Variants in BAZ2B observed in about 807,000 individuals in gnomAD.
BAZ2B encodes the protein bromodomain adjacent to zinc finger domain 2B.
In BAZ2B, 91 loss-of-function variants were observed where a neutral mutation model predicts 246.0. The ratio of observed to expected loss-of-function variants is 0.37; its 90% CI spans 0.31 to 0.44. The LOEUF (loss-of-function observed/expected upper bound fraction) is 0.44, where lower values mean the gene tolerates loss of function less well. BAZ2B is among the 20% of genes least tolerant of loss of function. The probability of loss-of-function intolerance (pLI) is 1.00; values close to 1 mark genes in which losing one functional copy is unlikely to be tolerated. For synonymous variants in BAZ2B, 855 were observed against 860.0 expected (o/e 0.99, Z 0.10); for missense variants, 2,332 against 2,533.7 (o/e 0.92, Z 1.71).
chr2:159,644,792 C>T, the BAZ2B span, among the ~76,000 whole-genome samples: 1 of 152,174 alleles, frequency 6.6e-6, no homozygotes, highest in African/African-American at 2.4e-5. Flanking sequence ...TCAAGTGGTT[C>T]TTCAGCCATA....
At chr2:159,455,673 G>A (rs2075643881) in intron 3 of BAZ2B, among the ~76,000 whole-genome samples, 1 of 149,642 alleles carries the variant, frequency 6.7e-6, no homozygotes, top group Non-Finnish European at 1.5e-5. Flanking sequence ...CTGAAGATGA[G>A]TCAAAATAAA....
chr2:159,549,246 A>G (rs987519857), intron 2 of BAZ2B, among the ~76,000 whole-genome samples: 1 of 152,218 alleles, frequency 6.6e-6, no homozygotes, highest in African/African-American at 2.4e-5. Context: ...GCACCACTGC[A>G]CTCCAGCCTG....
At chr2:159,324,679 CACACACACACCTG>C in intron 36 of BAZ2B, 119 bp downstream of exon 36, 2 of 246,422 alleles carry the variant, frequency 8.1e-6, no homozygotes, top group Non-Finnish European at 1.4e-5. Context: ...CACACACACA[CACACACACACCTG>C]CCTCAAAGGC....
downstream of BAZ2B, among the ~76,000 whole-genome samples, chr2:159,318,677 T>G (rs1322493558): frequency 2.6e-5 from 4 of 152,132 alleles, no homozygotes; most frequent in African/African-American, 9.7e-5. Flanking sequence ...ACTGAGTTAT[T>G]TGGCTACCCA....
At chr2:159,702,536 C>T in the BAZ2B span, among the ~76,000 whole-genome samples, 1 of 152,052 alleles carries the variant, frequency 6.6e-6, no homozygotes, top group African/African-American at 2.4e-5. Context: ...TAGTAGTCCT[C>T]TAATTTGTAT....
chr2:159,369,665 AT>A (rs760114473), intron 27 of BAZ2B, among the ~76,000 whole-genome samples: 2 of 152,298 alleles, frequency 1.3e-5, no homozygotes, highest in East Asian at 3.9e-4. Flanking sequence ...CATATTGAAT[AT>A]TTAACTGGTC....
At chr2:159,410,367 C>T (rs951320818) in intron 14 of BAZ2B, among the ~76,000 whole-genome samples, 6 of 152,192 alleles carry the variant, frequency 3.9e-5, no homozygotes, top group African/African-American at 4.8e-5. Flanking sequence ...GTAATCCCCA[C>T]GTGTCAAAGG....
intron 1 of BAZ2B, among the ~76,000 whole-genome samples, chr2:159,606,658 G>A (rs551318072): frequency 4.6e-5 from 7 of 152,086 alleles, no homozygotes; most frequent in African/African-American, 1.4e-4. Flanking sequence ...GATAAAAAAT[G>A]GTTACATAAA....
intron 3 of BAZ2B, among the ~76,000 whole-genome samples, chr2:159,469,028 C>T (rs1244063712): frequency 7.6e-6 from 1 of 131,034 alleles, no homozygotes; most frequent in Non-Finnish European, 1.6e-5. Context: ...TCAGCCCAGG[C>T]GTTAGTTCAA....
chr2:159,513,062 G>A (rs1220472375), intron 2 of BAZ2B, among the ~76,000 whole-genome samples: 1 of 151,968 alleles, frequency 6.6e-6, no homozygotes, highest in African/African-American at 2.4e-5. Context: ...ATGACCTTAG[G>A]GAATATTAAT....
chr2:159,417,597 C>T (rs886775123), intron 13 of BAZ2B, among the ~76,000 whole-genome samples: 3 of 151,338 alleles, frequency 2.0e-5, no homozygotes, highest in South Asian at 2.1e-4. Context: ...AAAGGGTTTA[C>T]GTTTTATTTC....
At chr2:159,541,872 C>G (rs1216008722) in intron 2 of BAZ2B, among the ~76,000 whole-genome samples, 1 of 152,078 alleles carries the variant, frequency 6.6e-6, no homozygotes, top group East Asian at 1.9e-4. Flanking sequence ...CAACAAATTC[C>G]CTATCTAAAA....
At chr2:159,589,377 A>C (rs1374435409) in intron 1 of BAZ2B, among the ~76,000 whole-genome samples, 1 of 152,188 alleles carries the variant, frequency 6.6e-6, no homozygotes, top group Non-Finnish European at 1.5e-5. Flanking sequence ...CCAAAAAAAA[A>C]ACATAGATTA....
chr2:159,433,196 T>G lies in BAZ2B; in HGVS notation c.1461A>C (p.Ala487=). The change falls in exon 9 of 37, where the codon GCA becomes GCC. Residue 487 remains alanine, a synonymous_variant. Coordinates refer to ENST00000392783, the MANE Select transcript of BAZ2B (RefSeq NM_013450.4). The part of the protein sequence containing the change: ...NNHPNPFLTN[A]LLGNHQPNGV... ...CATTTGGTTGGTGATTACCTAAAAG[T>G]GCATTTGTCAAGAATGGATTTGGGT... The G allele has an allele frequency of 6.2e-7, 1 of 1,614,212 alleles. No individual in the cohort carries two copies. Among genetic ancestry groups the G allele is most frequent in the Non-Finnish European group, 8.5e-7 (1 of 1,180,028 alleles).
At chr2:159,524,398 G>A (rs2151282119) in intron 2 of BAZ2B, among the ~76,000 whole-genome samples, 1 of 152,198 alleles carries the variant, frequency 6.6e-6, no homozygotes, top group African/African-American at 2.4e-5. Context: ...AGGCTGCAGT[G>A]AGCTGTGATC....
At chr2:159,329,966 C>T (rs2064428068) in intron 34 of BAZ2B, among the ~76,000 whole-genome samples, 1 of 152,106 alleles carries the variant, frequency 6.6e-6, no homozygotes, top group Admixed American at 6.5e-5. Flanking sequence ...ATTAGAGAAA[C>T]TTTCTATAAC....
chr2:159,427,336 G>A (rs967194673), intron 13 of BAZ2B, among the ~76,000 whole-genome samples: 2 of 152,116 alleles, frequency 1.3e-5, no homozygotes, highest in African/African-American at 2.4e-5. Flanking sequence ...TGGTGAGGAT[G>A]TGTACTTAAC....
In BAZ2B at chr2:159,431,135, G is replaced by A. The variant is rs1344723096; in HGVS notation, c.1922C>T (p.Ser641Leu). 1.2e-6 allele frequency: 2 copies of A among 1,607,244 alleles called. No individual in the cohort carries two copies. The highest frequency in any genetic ancestry group is 1.7e-5 in the Admixed American group (1 of 59,538). The change falls in exon 10 of 37, where the codon TCA becomes TTA. Residue 641 changes from serine to leucine, a missense_variant. This residue lies in a region of BAZ2B where 651 missense variants were observed against 650.9 expected (regional missense o/e 1.00). Coordinates refer to ENST00000392783, the MANE Select transcript of BAZ2B (RefSeq NM_013450.4). ...SQSESDSNSE[S>L]DTEGSEEEDD... ...TTCTTCTTCTGATCCTTCTGTATCT[G>A]ATTCTGAATTACTATCTGATTCTGG...
chr2:159,371,129 T>G (rs2060806398), intron 27 of BAZ2B, among the ~76,000 whole-genome samples: 1 of 152,020 alleles, frequency 6.6e-6, no homozygotes, highest in Admixed American at 6.6e-5. Context: ...ATTTTTGTTA[T>G]GTATGTATAT....
Sources: allele counts gnomAD v4.1 joint callset (sites outside exome capture counted in the v4.1 genomes callset), GRCh38; gene constraint gnomAD v4.1.1; regional missense constraint gnomAD v4.1.1; transcripts MANE v1.5; gene names NCBI Gene and HGNC (gene_info 2026-07-23, HGNC 2026-07-21).